The following LEKR1 variants were observed in gnomAD, a reference collection of about 807,000 sequenced individuals.
LEKR1 encodes protein LEKR1.
A neutral mutation model predicts 72.4 loss-of-function variants in LEKR1; 59 were observed. The observed-to-expected ratio is 0.82, with a 90% CI of 0.66 to 1.01. The LOEUF is 1.01. LEKR1 is among the 50% of genes least tolerant of loss of function. LEKR1 has a pLI of 0.00. For missense variants in LEKR1, 728 were observed against 759.2 expected (o/e 0.96, Z 0.48); for synonymous variants, 257 against 263.2 (o/e 0.98, Z 0.23).
intron 3 of LEKR1, among the ~76,000 whole-genome samples, chr3:156,877,569 T>C (rs1302751264): frequency 1.3e-5 from 2 of 152,154 alleles, no homozygotes; most frequent in African/African-American, 4.8e-5. Flanking sequence ...TCCAGGAATG[T>C]ATCCATTTCC....
intron 3 of LEKR1, among the ~76,000 whole-genome samples, chr3:156,864,880 G>A (rs1316562588): frequency 6.6e-6 from 1 of 151,838 alleles, no homozygotes; most frequent in East Asian, 1.9e-4. Flanking sequence ...AAATACTGGA[G>A]ACTTCCAGGG....
chr3:156,982,909 G>GATA (rs1730354709), intron 7 of LEKR1, among the ~76,000 whole-genome samples: 1 of 136,874 alleles, frequency 7.3e-6, no homozygotes, highest in Non-Finnish European at 1.7e-5. Context: ...ATAGATAGAT[G>GATA]GAAGAGCTAG....
chr3:156,907,240 T>C (rs1389567886), intron 3 of LEKR1, among the ~76,000 whole-genome samples: 1 of 152,032 alleles, frequency 6.6e-6, no homozygotes, highest in African/African-American at 2.4e-5. Context: ...TTGATGAAGA[T>C]CATTTCTATT....
intron 9 of LEKR1, among the ~76,000 whole-genome samples, chr3:157,007,381 C>T (rs1480483551): frequency 6.6e-6 from 1 of 152,120 alleles, no homozygotes; most frequent in Non-Finnish European, 1.5e-5. Context: ...GAGAGGAAAG[C>T]TAGGAGCTGC....
intron 12 of LEKR1, among the ~76,000 whole-genome samples, chr3:157,035,796 G>A (rs1291959474): frequency 1.3e-5 from 2 of 152,194 alleles, no homozygotes; most frequent in African/African-American, 4.8e-5. Flanking sequence ...CTACTTGGGA[G>A]GCTGAGGCAC....
chr3:156,842,481 A>G (rs895425994), intron 2 of LEKR1, among the ~76,000 whole-genome samples: 2 of 152,012 alleles, frequency 1.3e-5, no homozygotes, highest in Non-Finnish European at 2.9e-5. Flanking sequence ...AAATCAGGGA[A>G]GAGAAGGTGA....
chr3:156,921,796 A>T (rs1447616410), intron 4 of LEKR1, among the ~76,000 whole-genome samples: 1 of 152,220 alleles, frequency 6.6e-6, no homozygotes, highest in Non-Finnish European at 1.5e-5. Context: ...GACTGGGACT[A>T]GACCAAATAA....
intron 3 of LEKR1, among the ~76,000 whole-genome samples, chr3:156,905,813 A>G (rs751660469): frequency 1.3e-5 from 2 of 152,198 alleles, no homozygotes; most frequent in South Asian, 4.1e-4. Context: ...CATAATTGGC[A>G]GTCGTATGTC....
intron 7 of LEKR1, chr3:156,979,546 A>G (rs1258765634): frequency 5.5e-6 from 1 of 182,460 alleles, no homozygotes; most frequent in Non-Finnish European, 1.2e-5. Flanking sequence ...TCCATATATT[A>G]AAGCTTTCCC....
intron 3 of LEKR1, among the ~76,000 whole-genome samples, chr3:156,869,384 A>C (rs1365333126): frequency 6.6e-6 from 1 of 151,966 alleles, no homozygotes; most frequent in Non-Finnish European, 1.5e-5. Flanking sequence ...CTTTTTAATA[A>C]AGTAGCTGTT....
At chr3:157,036,737 C>T (rs1208345501) in intron 12 of LEKR1, among the ~76,000 whole-genome samples, 1 of 152,046 alleles carries the variant, frequency 6.6e-6, no homozygotes, top group Non-Finnish European at 1.5e-5. Context: ...AATAACCAGA[C>T]CAAAAGAATG....
intron 2 of LEKR1, among the ~76,000 whole-genome samples, chr3:156,841,295 A>G (rs1239898828): frequency 6.6e-6 from 1 of 152,236 alleles, no homozygotes; most frequent in Non-Finnish European, 1.5e-5. Flanking sequence ...GAGAATGTTT[A>G]ACAACTTCAG....
intron 9 of LEKR1, among the ~76,000 whole-genome samples, chr3:157,010,561 G>C (rs1260702937): frequency 1.3e-5 from 2 of 152,022 alleles, no homozygotes; most frequent in Admixed American, 6.6e-5. Context: ...AAAAGGAAGA[G>C]AGTGATGATG....
intron 2 of LEKR1, among the ~76,000 whole-genome samples, chr3:156,844,547 C>G (rs1576646970): frequency 6.6e-6 from 1 of 152,224 alleles, no homozygotes; most frequent in East Asian, 1.9e-4. Flanking sequence ...AGTCCATGGC[C>G]CTGGCAACCA....
chr3:156,931,566 G>A (rs1725227668), intron 5 of LEKR1, among the ~76,000 whole-genome samples: 1 of 152,104 alleles, frequency 6.6e-6, no homozygotes, highest in African/African-American at 2.4e-5. Context: ...CTTTATTCAA[G>A]CTTAATTCAA....
chr3:157,026,892 T>A (rs960421031), intron 11 of LEKR1, among the ~76,000 whole-genome samples: 2 of 152,192 alleles, frequency 1.3e-5, no homozygotes, highest in African/African-American at 4.8e-5. Flanking sequence ...AAGACTTTCA[T>A]GCCATCAGGA....
At chr3:156,982,862 GATAGATAGA>G (rs1730338244) in intron 7 of LEKR1, among the ~76,000 whole-genome samples, 2 of 107,772 alleles carry the variant, frequency 1.9e-5, no homozygotes, top group Admixed American at 1.7e-4. Flanking sequence ...TGTGTAGATA[GATAGATAGA>G]TAGATAGATA....
chr3:156,855,774 T>C (rs973380695), intron 3 of LEKR1, among the ~76,000 whole-genome samples: 4 of 152,194 alleles, frequency 2.6e-5, no homozygotes, highest in African/African-American at 4.8e-5. Flanking sequence ...TCAAGAACCC[T>C]GGCTTTGGAA....
At chr3:157,010,009 G>C (rs1445000921) in intron 9 of LEKR1, among the ~76,000 whole-genome samples, 1 of 151,942 alleles carries the variant, frequency 6.6e-6, no homozygotes, top group Non-Finnish European at 1.5e-5. Context: ...TTATAAAGCT[G>C]CTCATAATAT....
Sources: allele counts gnomAD v4.1 joint callset (sites outside exome capture counted in the v4.1 genomes callset), GRCh38; gene constraint gnomAD v4.1.1; transcripts MANE v1.5; gene names NCBI Gene and HGNC (gene_info 2026-07-23, HGNC 2026-07-21).